The following SI variants were observed in gnomAD, a reference collection of about 807,000 sequenced individuals.
SI encodes the protein sucrase-isomaltase, intestinal.
In SI, 235 loss-of-function variants were observed where a neutral mutation model predicts 253.3. That is an observed-to-expected ratio of 0.93 (90% CI 0.83 to 1.03). The LOEUF (loss-of-function observed/expected upper bound fraction) is 1.03, where lower values mean the gene tolerates loss of function less well. Among genes scored for constraint, SI ranks in the 50% least tolerant of loss-of-function variants. The pLI is 0.00. For missense variants in SI, 2,442 were observed against 2,211.1 expected, an observed-to-expected ratio of 1.10 and a Z score of -2.09; for synonymous variants, 819 against 712.0, an observed-to-expected ratio of 1.15 and a Z score of -2.39.
intron 37 of SI, among the ~76,000 whole-genome samples, chr3:165,005,791 G>A (rs912161915): frequency 6.6e-6 from 1 of 151,882 alleles, no homozygotes; most frequent in Non-Finnish European, 1.5e-5. Flanking sequence ...TTGTTGCCCA[G>A]GCTGGAATGC....
chr3:165,023,595 T>G lies in SI; in HGVS notation c.3074A>C (p.His1025Pro), dbSNP rs1311777282. 1.4e-5 allele frequency: 23 copies of G among 1,610,478 alleles called. No homozygotes were observed. The highest frequency in any genetic ancestry group is 2.0e-5 in the Non-Finnish European group (23 of 1,177,744). Residue 1025 changes from histidine (H) to proline (P), a missense_variant, in exon 26 of 48, where the codon CAC becomes CCC. Coordinates refer to ENST00000264382, the MANE Select transcript of SI (RefSeq NM_001041.4). The stretch of plus-strand genomic sequence containing the variant: ...CTTAAACTGCAACATATCATTTTTG[T>G]GATATTTCACCTCCACACGAAGAGT... ...ISTLRVEVKY[H>P]KNDMLQFKIY...
intron 1 of SI, among the ~76,000 whole-genome samples, chr3:165,076,512 A>T (rs1295196633): frequency 1.3e-5 from 2 of 151,284 alleles, no homozygotes; most frequent in Admixed American, 1.3e-4. Flanking sequence ...TTTTTCTTGA[A>T]CTCTCCTCTC....
rs1487311864 is a variant in SI, at chr3:164,979,017, T to A, written c.*345A>T. 1 of 165,162 alleles carries A rather than the reference T, an allele frequency of 6.1e-6. No homozygotes were observed. Among genetic ancestry groups the A allele is most frequent in the East Asian group, 1.6e-4 (1 of 6,154 alleles). The allele number at this position is 165,162 out of a possible 1,614,324, so 10.2% of individuals were successfully genotyped here. A position where few individuals can be genotyped will look rare whatever the true frequency, so the allele number is the denominator to read the frequency against. On this transcript the variant is annotated 3_prime_UTR_variant, in exon 48 of 48. Transcript: ENST00000264382. ...GCTAAACATTGAGAAAAATATAGTA[T>A]ATATAATTACATAAAAATTTTATTT... is the stretch of plus-strand genomic sequence containing the variant.
chr3:165,014,238 T>C (rs1190418362), intron 33 of SI, among the ~76,000 whole-genome samples: 1 of 150,314 alleles, frequency 6.7e-6, no homozygotes, highest in Non-Finnish European at 1.5e-5. Context: ...TCATCATAGA[T>C]TTTTTTTTGT....
At position 164,979,456 on chromosome 3, in the gene SI, T is replaced by C. The variant is rs957040796; in HGVS notation, c.5416-26A>G. ...CTAAAAAAGTAAAATAATAATTAGTTGTTTAATCACAACCACATTTTTCTT... is the reference window on the plus strand; with the variant it reads ...CTAAAAAAGTAAAATAATAATTAGTCGTTTAATCACAACCACATTTTTCTT... On this transcript the variant is annotated intron_variant, in intron 47 of 47. Coordinates refer to ENST00000264382, the MANE Select transcript of SI (RefSeq NM_001041.4). The C allele has an allele frequency of 2.4e-6, 3 of 1,258,844 alleles. No individual in the cohort carries two copies. The African/African-American group carries it at 4.4e-5, about 19-fold the overall frequency. 78.0% of individuals were successfully genotyped at this position (1,258,844 alleles called of 1,614,324 possible).
At chr3:164,982,174 G>T in intron 47 of SI, 69 bp downstream of exon 47, 1 of 1,120,348 alleles carries the variant, frequency 8.9e-7, no homozygotes, top group Non-Finnish European at 1.3e-6. Flanking sequence ...ACAGATGAGG[G>T]ATATAAGAAG....
chr3:165,010,934 T>C (rs1450833992), intron 34 of SI, among the ~76,000 whole-genome samples: 1 of 152,172 alleles, frequency 6.6e-6, no homozygotes, highest in African/African-American at 2.4e-5. Context: ...CTCAATGACA[T>C]AGTTCAGTAG....
intron 10 of SI, 49 bp from the exon 11 acceptor site, chr3:165,059,348 C>G: frequency 6.4e-7 from 1 of 1,568,388 alleles, no homozygotes. Flanking sequence ...AAAGAGCTCT[C>G]TAATCAAGTC....
chr3:165,071,910 C>T lies in SI; in HGVS notation c.255+2621G>A, dbSNP rs551823281. On this transcript the variant is annotated intron_variant, in intron 3 of 47. Transcript: ENST00000264382. The stretch of plus-strand genomic sequence containing the variant: ...GATATTGTTTAAGCTGCCCATTCTG[C>T]GGAATTTTGTTATGGCAGCCCGAGC... Among the ~76,000 whole-genome samples, 16 of 152,154 alleles carry T rather than the reference C, an allele frequency of 1.1e-4. 1 individual carries two copies. Among genetic ancestry groups the T allele is most frequent in the South Asian group, 1.0e-3 (5 of 4,826 alleles).
chr3:165,048,968 G>A (rs1399345573), intron 15 of SI, among the ~76,000 whole-genome samples, 159 bp downstream of exon 15: 1 of 152,040 alleles, frequency 6.6e-6, no homozygotes, highest in Non-Finnish European at 1.5e-5. Flanking sequence ...ATTAGTAAGA[G>A]AACTGATATT....
At position 165,006,764 on chromosome 3, in the gene SI, T is replaced by G. The variant is rs140834273; in HGVS notation, c.4406+52A>C. ...ACTGTTAAAATGATAACATTAAATG[T>G]AAGAACCAAAGAATAAAAGAGTCAG... On this transcript the variant is annotated intron_variant, in intron 37 of 47. Transcript: ENST00000264382. The G allele has an allele frequency of 6.6e-5, 101 of 1,523,494 alleles. No individual in the cohort carries two copies. In the African/African-American group the frequency reaches 1.2e-3, roughly 18 times the overall value. 94.4% of individuals were successfully genotyped at this position (1,523,494 alleles called of 1,614,324 possible).
intron 13 of SI, among the ~76,000 whole-genome samples, chr3:165,052,458 C>G (rs1012192831): frequency 2.0e-5 from 3 of 152,190 alleles, no homozygotes; most frequent in African/African-American, 4.8e-5. Flanking sequence ...GAGTTCCAGA[C>G]CAGCCTGGCC....
rs886058140 is a variant in SI at position 164,979,133 on chromosome 3, A to G, written c.*229T>C. On this transcript the variant is annotated 3_prime_UTR_variant, in exon 48 of 48. Coordinates refer to ENST00000264382, the MANE Select transcript of SI (RefSeq NM_001041.4). Reference sequence around the variant, plus strand: ...ATTGTAGCTGATACTTAACAAGGATAAATAGGGCTATTCAAATTTTGTTAA... The same window carrying G: ...ATTGTAGCTGATACTTAACAAGGATGAATAGGGCTATTCAAATTTTGTTAA... The G allele has an allele frequency of 5.2e-5, 26 of 502,674 alleles. 1 individual carries two copies. In the South Asian group the frequency reaches 6.5e-4, roughly 13 times the overall value. 31.1% of individuals were successfully genotyped at this position (502,674 alleles called of 1,614,324 possible).
chr3:165,083,993 A>G, the SI span, among the ~76,000 whole-genome samples: 31 of 152,046 alleles, frequency 2.0e-4, no homozygotes, highest in Non-Finnish European at 3.5e-4. Flanking sequence ...GGATGGTGCT[A>G]TGGTCTGAAG....
intron 3 of SI, among the ~76,000 whole-genome samples, chr3:165,073,170 TTCTCTCTCTCTCTCTCTCTCTCTC>T (rs59796544): frequency 0.012 from 1,524 of 131,970 alleles, 26 homozygotes; most frequent in South Asian, 0.052. Context: ...CTTCAATCAT[TTCTCTCTCTCTCTCTCTCTCTCTC>T]TCTCTCTCTC....
Position 165,015,886 on chromosome 3 carries a change from A to C in SI, c.3888+66T>G, listed in dbSNP as rs1576886532. 2.2e-6 allele frequency: 3 copies of C among 1,380,316 alleles called. No individual in the cohort carries two copies. The East Asian group carries it at 6.9e-5, about 32-fold the overall frequency. 85.5% of individuals were successfully genotyped at this position (1,380,316 alleles called of 1,614,324 possible). A position where few individuals can be genotyped will look rare whatever the true frequency, so the allele number is the denominator to read the frequency against. On this transcript the variant is annotated intron_variant, in intron 32 of 47. Coordinates refer to ENST00000264382, the MANE Select transcript of SI (RefSeq NM_001041.4). The stretch of plus-strand genomic sequence containing the variant: ...TCTATTTTGAAACATCTTCCCCCCC[A>C]CCTGCTCATTTTAGGTGAATTAATG...
chr3:164,999,252 C>T (rs1358036785), intron 37 of SI, among the ~76,000 whole-genome samples: 1 of 151,572 alleles, frequency 6.6e-6, no homozygotes, highest in Non-Finnish European at 1.5e-5. Flanking sequence ...TAAATGAAAT[C>T]ATATGATTTA....
chr3:165,086,367 A>G, the SI span, among the ~76,000 whole-genome samples: 2 of 152,210 alleles, frequency 1.3e-5, no homozygotes, highest in Admixed American at 6.5e-5. Flanking sequence ...GAAACATCTA[A>G]TGCTGTGCTT....
rs376062850 is a variant in SI, at chr3:164,994,281, G to A, written c.4817C>T (p.Thr1606Ile). ...CTCATGCAAAAGGGGTCGGATAACAGTGCCACCATTAGCATGAATTTCATG... is the reference window on the plus strand; with the variant it reads ...CTCATGCAAAAGGGGTCGGATAACAATGCCACCATTAGCATGAATTTCATG... ...QMHEIHANGG[T>I]VIRPLLHEFF... Residue 1606 changes from threonine (T) to isoleucine (I), a missense_variant, in exon 41 of 48, where the codon ACT becomes ATT. By Grantham distance (89) the Thr-to-Ile change is moderately conservative (BLOSUM62 -1). Coordinates refer to ENST00000264382, the MANE Select transcript of SI (RefSeq NM_001041.4). 196 of 1,610,844 alleles carry A rather than the reference G, an allele frequency of 1.2e-4. No homozygotes were observed. Among genetic ancestry groups the A allele is most frequent in the Non-Finnish European group, 1.6e-4 (187 of 1,177,864 alleles).
Sources: gnomAD v4.1 joint callset for allele counts (sites outside exome capture counted in the v4.1 genomes callset) on GRCh38, gnomAD v4.1.1 for gene constraint, MANE v1.5 for transcripts, NCBI Gene and HGNC (gene_info 2026-07-23, HGNC 2026-07-21) for gene names.